Variants in ACSM2B observed in about 807,000 individuals in gnomAD.
ACSM2B encodes the protein acyl-CoA synthetase medium chain family member 2B.
A neutral mutation model predicts 78.6 loss-of-function variants in ACSM2B; 58 were observed. The observed-to-expected ratio is 0.74, with a 90% confidence interval of 0.60 to 0.92. ACSM2B has a LOEUF of 0.92. Among genes scored for constraint, ACSM2B ranks in the 40% least tolerant of loss-of-function variants. The pLI, the probability that ACSM2B is intolerant of heterozygous loss-of-function variation, is 0.00. For synonymous variants in ACSM2B, 257 were observed against 256.8 expected, an observed-to-expected ratio of 1.00 and a Z score of -0.01; for missense variants, 688 against 711.2, an observed-to-expected ratio of 0.97 and a Z score of 0.37.
At chr16:20,574,242 G>C (rs1387457771) in intron 1 of ACSM2B, 1 of 151,896 alleles carries the variant, frequency 6.6e-6, no homozygotes, top group Non-Finnish European at 1.5e-5. Context: ...GCCCGACCCC[G>C]CAGGCAGTCA....
At chr16:20,560,299 T>C (rs1230393490) in intron 2 of ACSM2B, among the ~76,000 whole-genome samples, 3 of 151,806 alleles carry the variant, frequency 2.0e-5, no homozygotes, top group Admixed American at 6.6e-5. Flanking sequence ...CAATCCCCAA[T>C]GTCAGAGGTG....
At chr16:20,542,732 A>C in intron 12 of ACSM2B, 182 bp downstream of exon 12, 1 of 721,348 alleles carries the variant, frequency 1.4e-6, no homozygotes, top group Non-Finnish European at 2.3e-6. Flanking sequence ...CTCATCTTAC[A>C]GATGAAGAAA....
At chr16:20,550,917 T>C (rs570460236) in intron 6 of ACSM2B, among the ~76,000 whole-genome samples, 10 of 152,194 alleles carry the variant, frequency 6.6e-5, no homozygotes, top group East Asian at 1.9e-4. Context: ...TTCTAGAAAA[T>C]CATCTTAAAT....
intron 1 of ACSM2B, among the ~76,000 whole-genome samples, chr16:20,573,005 C>G (rs71384488): frequency 0.2 from 28,929 of 145,412 alleles, 3,499 homozygotes; most frequent in East Asian, 0.68. Flanking sequence ...TTGGACTTCA[C>G]CTTTTCTGGT....
chr16:20,537,369 A>C lies in ACSM2B; in HGVS notation c.1630-7T>G. On this transcript the variant is annotated splice_region_variant and splice_polypyrimidine_tract_variant and intron_variant, in intron 13 of 13. Coordinates refer to ENST00000329697, the MANE Select transcript of ACSM2B (RefSeq NM_001105069.2). ...GGTTCAAGACAAACTCTATCTGTTG[A>C]AAAACAAATCAGTCCAGGGTGGGTG... The C allele has an allele frequency of 6.2e-7, 1 of 1,613,750 alleles. No homozygotes were observed. The highest frequency in any genetic ancestry group is 8.5e-7 in the Non-Finnish European group (1 of 1,179,650).
Position 20,548,477 on chromosome 16 carries a change from G to A in ACSM2B, c.895-4C>T, listed in dbSNP as rs1205878424. On this transcript the variant is annotated splice_polypyrimidine_tract_variant and splice_region_variant and intron_variant, in intron 6 of 13. Coordinates refer to ENST00000329697, the MANE Select transcript of ACSM2B (RefSeq NM_001105069.2). ...TGATTGGATAACTGGAGAGTGTCTG[G>A]AAGACAAGAGCCAGGTGAGACATTG... 1.1e-5 allele frequency: 17 copies of A among 1,613,446 alleles called. No individual in the cohort carries two copies. The highest frequency in any genetic ancestry group is 1.7e-5 in the Admixed American group (1 of 59,978).
chr16:20,553,697 C>T, intron 5 of ACSM2B, 80 bp downstream of exon 5: 1 of 1,561,334 alleles, frequency 6.4e-7, no homozygotes, highest in Non-Finnish European at 8.7e-7. Flanking sequence ...TGACACAGCC[C>T]AGGAGCATTG....
In ACSM2B at chr16:20,543,220, A is replaced by G. The variant is rs139233971; in HGVS notation, c.1324T>C (p.Trp442Arg). The G allele has an allele frequency of 3.0e-3, 4,848 of 1,613,870 alleles. 15 individuals carry two copies. Among genetic ancestry groups the G allele is most frequent in the Non-Finnish European group, 2.7e-3 (3,206 of 1,179,870 alleles). Reference protein sequence around the residue: ...KTAANIRGDFWLLGDRGIKDE... With the variant: ...KTAANIRGDFRLLGDRGIKDE... The stretch of plus-strand genomic sequence containing the variant: ...TTGATTCCCCGGTCTCCAAGGAGCC[A>G]AAAGTCTCCTCGAATGTTGGCTGCT... Residue 442 changes from tryptophan to arginine, a missense_variant, in exon 11 of 14, where the codon TGG (tryptophan) becomes CGG (arginine). By Grantham distance (101) the Trp-to-Arg change is moderately radical. Coordinates refer to ENST00000329697, the MANE Select transcript of ACSM2B (RefSeq NM_001105069.2).
intron 3 of ACSM2B, among the ~76,000 whole-genome samples, chr16:20,556,938 A>G (rs34279415): frequency 0.18 from 27,770 of 151,840 alleles, 3,580 homozygotes; most frequent in East Asian, 0.69. Context: ...GTTGCCTCTG[A>G]TAGTTTCTAA....
intron 3 of ACSM2B, among the ~76,000 whole-genome samples, chr16:20,558,203 T>C (rs567850815): frequency 1.3e-5 from 2 of 152,194 alleles, no homozygotes; most frequent in East Asian, 3.9e-4. Context: ...ATGGACCAGC[T>C]TGCACTACCC....
rs771658435 is a variant in ACSM2B at position 20,555,268 on chromosome 16, C to T, written c.596+1G>A. On this transcript the variant is annotated splice_donor_variant, in intron 4 of 13. Transcript: ENST00000329697. LOFTEE classifies it high-confidence loss of function. ...CCAGGATGAGACATGTAGATACTCACTTTAGTAGTTTCTTGAAGTTCAGCC... is the reference window on the plus strand; with the variant it reads ...CCAGGATGAGACATGTAGATACTCATTTTAGTAGTTTCTTGAAGTTCAGCC... 28 of 1,613,828 alleles carry T rather than the reference C, an allele frequency of 1.7e-5. No homozygotes were observed. Among genetic ancestry groups the T allele is most frequent in the Admixed American group, 5.0e-5 (3 of 59,990 alleles).
chr16:20,550,459 T>C (rs2015277147), intron 6 of ACSM2B, among the ~76,000 whole-genome samples: 1 of 152,210 alleles, frequency 6.6e-6, no homozygotes, highest in Non-Finnish European at 1.5e-5. Context: ...TATATTTTCC[T>C]AATGGGCTTT....
rs1212416112 is a variant in ACSM2B, at chr16:20,536,441, C to A, written c.*817G>T. The A allele has an allele frequency of 2.0e-5, 3 of 152,102 alleles. No homozygotes were observed. The highest frequency in any genetic ancestry group is 2.9e-5 in the Non-Finnish European group (2 of 68,024). 9.4% of individuals were successfully genotyped at this position (152,102 alleles called of 1,614,324 possible). A position where few individuals can be genotyped will look rare whatever the true frequency, so the allele number is the denominator to read the frequency against. Reference sequence around the variant, plus strand: ...TATTTATAATGTGTCTGGGTCAGTGCCTGGCACATGGCAAATGCTTAATAA... The same window carrying A: ...TATTTATAATGTGTCTGGGTCAGTGACTGGCACATGGCAAATGCTTAATAA... On this transcript the variant is annotated 3_prime_UTR_variant, in exon 14 of 14. Coordinates refer to ENST00000329697, the MANE Select transcript of ACSM2B (RefSeq NM_001105069.2).
At chr16:20,552,101 G>A (rs759200910) in intron 6 of ACSM2B, 43 bp downstream of exon 6, 41 of 1,549,278 alleles carry the variant, frequency 2.6e-5, no homozygotes, top group Admixed American at 6.1e-5. Context: ...TGCAAACCTC[G>A]GGCTCACTCT....
chr16:20,540,571 G>T, intron 13 of ACSM2B, 83 bp downstream of exon 13: 5 of 1,574,116 alleles, frequency 3.2e-6, no homozygotes, highest in Non-Finnish European at 3.5e-6. Context: ...TTAGAAGGCT[G>T]TCCTCCTCCT....
intron 1 of ACSM2B, among the ~76,000 whole-genome samples, chr16:20,568,489 G>C (rs1333289122): frequency 1.3e-5 from 2 of 150,370 alleles, no homozygotes; most frequent in Non-Finnish European, 3.0e-5. Flanking sequence ...ATTTGGGCTG[G>C]TTCCATATTC....
intron 1 of ACSM2B, among the ~76,000 whole-genome samples, chr16:20,566,730 T>G (rs2015890683): frequency 5.3e-5 from 1 of 18,946 alleles, no homozygotes; most frequent in African/African-American, 2.6e-4. Context: ...ATATACTATA[T>G]ATAGTATATA....
chr16:20,537,120 G>A lies in ACSM2B; in HGVS notation c.*138C>T. 1 of 997,480 alleles carries A rather than the reference G, an allele frequency of 1.0e-6. No individual in the cohort carries two copies. Among genetic ancestry groups the A allele is most frequent in the South Asian group, 1.6e-5 (1 of 62,666 alleles). The allele number at this position is 997,480 out of a possible 1,614,324, so 61.8% of individuals were successfully genotyped here. A position where few individuals can be genotyped will look rare whatever the true frequency, so the allele number is the denominator to read the frequency against. ...AATATCTAACATAGTAATGTTTTGT[G>A]CTAATAACCAGGGCAAGACAAAACT... is the stretch of plus-strand genomic sequence containing the variant. On this transcript the variant is annotated 3_prime_UTR_variant, in exon 14 of 14. Coordinates refer to ENST00000329697, the MANE Select transcript of ACSM2B (RefSeq NM_001105069.2).
chr16:20,561,146 T>C (rs551149915), intron 2 of ACSM2B, among the ~76,000 whole-genome samples: 43 of 152,218 alleles, frequency 2.8e-4, no homozygotes, highest in African/African-American at 9.6e-4. Context: ...GCATAAACCT[T>C]GAAGACATGC....
Sources: allele counts gnomAD v4.1 joint callset (sites outside exome capture counted in the v4.1 genomes callset), GRCh38; gene constraint gnomAD v4.1.1; transcripts MANE v1.5; gene names NCBI Gene and HGNC (gene_info 2026-07-23, HGNC 2026-07-21).